The following KCNIP1 variants were observed in gnomAD, a reference collection of about 807,000 sequenced individuals.
The protein encoded by KCNIP1 is potassium voltage-gated channel interacting protein 1, also known as A-type potassium channel modulatory protein KCNIP1.
KCNIP1 carries 18 observed loss-of-function variants against 33.0 expected under a neutral mutation model. That is an observed-to-expected ratio of 0.55 (90% confidence interval 0.38 to 0.81). The LOEUF (loss-of-function observed/expected upper bound fraction) is 0.81, where lower values mean the gene tolerates loss of function less well. Among genes scored for constraint, KCNIP1 ranks in the 30% least tolerant of loss-of-function variants. KCNIP1 has a pLI of 0.00. For missense variants in KCNIP1, 238 were observed against 271.6 expected (o/e 0.88, Z 0.87); for synonymous variants, 93 against 98.3 (o/e 0.95, Z 0.32).
intron 1 of KCNIP1, among the ~76,000 whole-genome samples, chr5:170,558,260 C>G (rs1178107391): frequency 6.6e-6 from 1 of 152,146 alleles, no homozygotes; most frequent in South Asian, 2.1e-4. Context: ...AAACTGAGCC[C>G]GTAATTACAT....
At chr5:170,538,910 T>C (rs1756093961) in intron 1 of KCNIP1, among the ~76,000 whole-genome samples, 1 of 152,018 alleles carries the variant, frequency 6.6e-6, no homozygotes, top group South Asian at 2.1e-4. Context: ...GCTAGCCTTC[T>C]TTATGAGATT....
intron 1 of KCNIP1, among the ~76,000 whole-genome samples, chr5:170,390,945 C>T (rs1490520910): frequency 6.6e-6 from 1 of 152,156 alleles, no homozygotes; most frequent in Non-Finnish European, 1.5e-5. Flanking sequence ...AAGGCAGCCA[C>T]TCAGGCCTCC....
intron 5 of KCNIP1, 63 bp from the exon 6 acceptor site, chr5:170,732,737 G>T: frequency 9.2e-7 from 1 of 1,083,782 alleles, no homozygotes. Context: ...CCCAAACTCT[G>T]TCACCTAGGA....
At chr5:170,681,335 C>G (rs923352350) in intron 1 of KCNIP1, 36 of 384,430 alleles carry the variant, frequency 9.4e-5, no homozygotes, top group South Asian at 1.5e-4. Context: ...CCCGCCTCCC[C>G]AGTCGCGCCC....
At chr5:170,546,531 G>A (rs898158666) in intron 1 of KCNIP1, among the ~76,000 whole-genome samples, 1 of 152,142 alleles carries the variant, frequency 6.6e-6, no homozygotes, top group Non-Finnish European at 1.5e-5. Flanking sequence ...CTCTGCTTGG[G>A]CCAATGCCAG....
intron 1 of KCNIP1, among the ~76,000 whole-genome samples, chr5:170,714,213 G>T (rs1410693486): frequency 6.6e-6 from 1 of 152,168 alleles, no homozygotes; most frequent in Admixed American, 6.5e-5. Context: ...GGTCTAACTG[G>T]TACACAAGCA....
At chr5:170,594,398 G>A (rs994655030) in intron 1 of KCNIP1, among the ~76,000 whole-genome samples, 1 of 152,190 alleles carries the variant, frequency 6.6e-6, no homozygotes, top group Non-Finnish European at 1.5e-5. Flanking sequence ...CACCAGAAGA[G>A]GGGTATGGCC....
chr5:170,621,510 T>A (rs1417063594), intron 1 of KCNIP1, among the ~76,000 whole-genome samples: 2 of 152,082 alleles, frequency 1.3e-5, no homozygotes, highest in African/African-American at 4.8e-5. Context: ...TCCTCTTTAT[T>A]ATTTTTATTT....
At chr5:170,437,593 C>T (rs535317769) in intron 1 of KCNIP1, among the ~76,000 whole-genome samples, 2 of 152,326 alleles carry the variant, frequency 1.3e-5, no homozygotes, top group African/African-American at 4.8e-5. Context: ...GGCTTGAAAT[C>T]CAGTGCAGCA....
At chr5:170,706,491 T>C (rs537229505) in intron 1 of KCNIP1, among the ~76,000 whole-genome samples, 24 of 152,220 alleles carry the variant, frequency 1.6e-4, no homozygotes, top group Non-Finnish European at 2.8e-4. Context: ...GAGCCAGTTG[T>C]CAGATATCTA....
chr5:170,582,363 A>T (rs958106122), intron 1 of KCNIP1, among the ~76,000 whole-genome samples: 1 of 152,228 alleles, frequency 6.6e-6, no homozygotes, highest in Admixed American at 6.5e-5. Flanking sequence ...AAAATGAGAG[A>T]TAATGACTCT....
intron 1 of KCNIP1, among the ~76,000 whole-genome samples, chr5:170,567,391 C>T (rs567782811): frequency 6.6e-6 from 1 of 151,964 alleles, no homozygotes; most frequent in Non-Finnish European, 1.5e-5. Flanking sequence ...AGAAGTCAGA[C>T]CAAACATCAG....
chr5:170,666,723 A>C (rs542892721), intron 1 of KCNIP1, among the ~76,000 whole-genome samples: 42 of 152,294 alleles, frequency 2.8e-4, no homozygotes, highest in African/African-American at 8.7e-4. Flanking sequence ...AAGGGATATC[A>C]TGGGCCCTGG....
chr5:170,370,135 C>T (rs952612322), intron 1 of KCNIP1, among the ~76,000 whole-genome samples: 1 of 152,066 alleles, frequency 6.6e-6, no homozygotes, highest in Non-Finnish European at 1.5e-5. Context: ...ATCAATCAGG[C>T]CCACAAGCAA....
At chr5:170,411,276 C>T (rs1755181166) in intron 1 of KCNIP1, among the ~76,000 whole-genome samples, 1 of 152,222 alleles carries the variant, frequency 6.6e-6, no homozygotes, top group African/African-American at 2.4e-5. Context: ...CATTATGATG[C>T]CCATTTTACA....
intron 1 of KCNIP1, among the ~76,000 whole-genome samples, chr5:170,432,732 G>A (rs191361424): frequency 8.7e-5 from 13 of 148,892 alleles, no homozygotes; most frequent in East Asian, 2.0e-4. Flanking sequence ...ACCTTGAACC[G>A]GGCTCTTTCC....
intron 1 of KCNIP1, among the ~76,000 whole-genome samples, chr5:170,682,586 C>G (rs926508464): frequency 3.9e-5 from 6 of 152,102 alleles, no homozygotes; most frequent in African/African-American, 1.4e-4. Flanking sequence ...AAGACTAGTT[C>G]TGTCTGCTCC....
chr5:170,638,852 G>T (rs1456784656), intron 1 of KCNIP1, among the ~76,000 whole-genome samples: 4 of 152,178 alleles, frequency 2.6e-5, no homozygotes, highest in Admixed American at 2.0e-4. Context: ...TGCATCCCTG[G>T]GAGGCAATGT....
At chr5:170,729,733 A>G (rs993545802) in intron 5 of KCNIP1, among the ~76,000 whole-genome samples, 3 of 152,112 alleles carry the variant, frequency 2.0e-5, no homozygotes, top group Non-Finnish European at 2.9e-5. Context: ...TCTTTGTTGA[A>G]GGTTGGTGGA....
Sources: allele counts gnomAD v4.1 joint callset (sites outside exome capture counted in the v4.1 genomes callset), GRCh38; gene constraint gnomAD v4.1.1; transcripts MANE v1.5; gene names NCBI Gene and HGNC (gene_info 2026-07-23, HGNC 2026-07-21).